Variants in TRIM62 observed in about 807,000 individuals in gnomAD.
TRIM62 encodes the protein E3 ubiquitin-protein ligase TRIM62.
Under a neutral mutation model 44.2 loss-of-function variants are expected in TRIM62, and 39 were observed. The observed-to-expected ratio is 0.88, with a 90% confidence interval of 0.68 to 1.15. TRIM62 has a LOEUF of 1.15. Ranked by LOEUF, TRIM62 falls within the 50% of genes most tolerant of loss-of-function variation. The pLI is 0.00. For synonymous variants in TRIM62, 278 were observed against 292.3 expected (o/e 0.95, Z 0.50); for missense variants, 544 against 665.5 (o/e 0.82, Z 2.01).
rs376577189 is a variant in TRIM62, at chr1:33,147,688, T to C, written c.917A>G (p.Gln306Arg). The change falls in exon 5 of 5, where the codon CAG becomes CGG. Residue 306 changes from glutamine to arginine, a missense_variant. Coordinates refer to ENST00000291416, the MANE Select transcript of TRIM62 (RefSeq NM_018207.3). This position sits in a 1 kb window ranked among gnomAD's most constrained non-coding sequence, Gnocchi z 8.1. ...GCAGTCGTCCGACAGGATCAGGCGC[T>C]GGTGGGCTGTGCCCGGGTCCAGGGT... ...ALTLDPGTAH[Q>R]RLILSDDCTI... 18 of 1,613,302 alleles carry C rather than the reference T, an allele frequency of 1.1e-5. No individual in the cohort carries two copies. Among genetic ancestry groups the C allele is most frequent in the Non-Finnish European group, 1.4e-5 (17 of 1,179,828 alleles).
chr1:33,162,136 A>G (rs117036649), intron 2 of TRIM62, among the ~76,000 whole-genome samples: 2 of 152,308 alleles, frequency 1.3e-5, no homozygotes, highest in East Asian at 3.9e-4. Flanking sequence ...TGATCCTTCT[A>G]AAGTGCCAAC....
At chr1:33,152,274 A>G (rs1012096525) in intron 4 of TRIM62, among the ~76,000 whole-genome samples, 1 of 152,204 alleles carries the variant, frequency 6.6e-6, no homozygotes, top group African/African-American at 2.4e-5. Context: ...CTGTTCAGCA[A>G]GACTGGGGAG....
In TRIM62 at chr1:33,145,471, A is replaced by G. The variant is rs1006397756; in HGVS notation, c.*1706T>C. The G allele has an allele frequency of 6.1e-6, 1 of 165,146 alleles. No individual in the cohort carries two copies. The highest frequency in any genetic ancestry group is 5.8e-5 in the Admixed American group (1 of 17,156). The allele number at this position is 165,146 out of a possible 1,614,324, so 10.2% of individuals were successfully genotyped here. A position where few individuals can be genotyped will look rare whatever the true frequency, so the allele number is the denominator to read the frequency against. On this transcript the variant is annotated 3_prime_UTR_variant, in exon 5 of 5. Transcript: ENST00000291416. ...AAAATGGGCAACATTTTAAATAAAA[A>G]TACTGCTGGGGTGGCCCAGATTCTG...
intron 4 of TRIM62, among the ~76,000 whole-genome samples, chr1:33,153,181 C>T (rs1645126937): frequency 6.6e-6 from 1 of 152,164 alleles, no homozygotes; most frequent in African/African-American, 2.4e-5. Context: ...GGCTAGGTCC[C>T]TGGGGGCACC....
intron 1 of TRIM62, among the ~76,000 whole-genome samples, chr1:33,168,166 A>C (rs991312098): frequency 3.3e-5 from 5 of 152,188 alleles, no homozygotes; most frequent in Admixed American, 1.3e-4. Context: ...AATGGGGGTA[A>C]GATAGAAAAA....
intron 1 of TRIM62, among the ~76,000 whole-genome samples, chr1:33,168,276 TG>T (rs1422511695): frequency 6.6e-6 from 1 of 152,112 alleles, no homozygotes; most frequent in Non-Finnish European, 1.5e-5. Flanking sequence ...AGTCACAAGC[TG>T]AAACCAGAAG....
In TRIM62 at chr1:33,167,820, G is replaced by C. The variant is rs1162389833; in HGVS notation, c.409-2254C>G. Reference sequence around the variant, plus strand: ...CATGGGAAAATATTCATGATGACATGCTGATGGAAGAATGCAGGAAACAAA... The same window carrying C: ...CATGGGAAAATATTCATGATGACATCCTGATGGAAGAATGCAGGAAACAAA... On this transcript the variant is annotated intron_variant, in intron 1 of 4. Transcript: ENST00000291416. The surrounding 1 kb of genome is among the most constrained non-coding windows in gnomAD (Gnocchi z 4.2). Among the ~76,000 whole-genome samples, 2 of 152,182 alleles carry C rather than the reference G, an allele frequency of 1.3e-5. No individual in the cohort carries two copies. Among genetic ancestry groups the C allele is most frequent in the East Asian group, 3.8e-4 (2 of 5,198 alleles).
chr1:33,169,206 G>A (rs763701938), intron 1 of TRIM62, among the ~76,000 whole-genome samples: 6 of 152,232 alleles, frequency 3.9e-5, no homozygotes, highest in East Asian at 1.9e-4. Context: ...TGCTGCGATC[G>A]TGTTAGGAGA....
At chr1:33,155,590 C>T (rs1012712205) in intron 4 of TRIM62, among the ~76,000 whole-genome samples, 1 of 152,138 alleles carries the variant, frequency 6.6e-6, no homozygotes, top group African/African-American at 2.4e-5. Context: ...TGGGGCCCGA[C>T]GTTGGGGTTT....
intron 1 of TRIM62, chr1:33,166,304 G>T (rs1348330614): frequency 1.3e-5 from 2 of 152,248 alleles, no homozygotes; most frequent in East Asian, 3.9e-4. Context: ...AATGTAATGT[G>T]CTTGAATCAT....
At chr1:33,164,955 ATT>A (rs5773394) in intron 2 of TRIM62, 151 of 124,804 alleles carry the variant, frequency 1.2e-3, no homozygotes, top group East Asian at 3.7e-3. Flanking sequence ...GCTATATTCA[ATT>A]TTTTTTTTTT....
Position 33,146,588 on chromosome 1 carries a change from T to G in TRIM62, c.*589A>C, listed in dbSNP as rs1390793454. 3 of 161,604 alleles carry G rather than the reference T, an allele frequency of 1.9e-5. No individual in the cohort carries two copies. Among genetic ancestry groups the G allele is most frequent in the Non-Finnish European group, 4.1e-5 (3 of 73,080 alleles). 10.0% of individuals were successfully genotyped at this position (161,604 alleles called of 1,614,324 possible). A position where few individuals can be genotyped will look rare whatever the true frequency, so the allele number is the denominator to read the frequency against. ...CAGGTGCCTTCCACAGGCCACAGCA[T>G]CATCACTGACCAGCAGATCAGTGGG... On this transcript the variant is annotated 3_prime_UTR_variant, in exon 5 of 5. Transcript: ENST00000291416.
intron 1 of TRIM62, among the ~76,000 whole-genome samples, chr1:33,180,754 C>T (rs947729918): frequency 1.3e-5 from 2 of 152,228 alleles, no homozygotes; most frequent in Non-Finnish European, 2.9e-5. Flanking sequence ...CCCGACTTCT[C>T]CCTAACCGCG....
At chr1:33,160,136 A>G (rs1570314215) in intron 2 of TRIM62, among the ~76,000 whole-genome samples, 192 bp from the exon 3 acceptor site, 1 of 152,192 alleles carries the variant, frequency 6.6e-6, no homozygotes, top group Non-Finnish European at 1.5e-5. Context: ...TCCATTAAAT[A>G]GCTAATGAAA....
rs1034951917 is a variant in TRIM62, at chr1:33,161,631, C to T, written c.505-1687G>A. Reference sequence around the variant, plus strand: ...GTCTGGGGATGCACGGCCAGGCTGCCGTGGCCTTCCTGAGCCCCCTCACCC... The same window carrying T: ...GTCTGGGGATGCACGGCCAGGCTGCTGTGGCCTTCCTGAGCCCCCTCACCC... On this transcript the variant is annotated intron_variant, in intron 2 of 4. Transcript: ENST00000291416. This position sits in a 1 kb window ranked among gnomAD's most constrained non-coding sequence, Gnocchi z 4.3. Among the ~76,000 whole-genome samples, 3 of 152,126 alleles carry T rather than the reference C, an allele frequency of 2.0e-5. No individual in the cohort carries two copies. The highest frequency in any genetic ancestry group is 4.8e-5 in the African/African-American group (2 of 41,420).
chr1:33,147,291 G>C lies in TRIM62; in HGVS notation c.1314C>G (p.Leu438=). The C allele has an allele frequency of 1.2e-6, 2 of 1,614,186 alleles. No homozygotes were observed. The highest frequency in any genetic ancestry group is 1.7e-6 in the Non-Finnish European group (2 of 1,180,032). The change falls in exon 5 of 5, where the codon CTC becomes CTG. Residue 438 remains leucine (L), a synonymous_variant. Coordinates refer to ENST00000291416, the MANE Select transcript of TRIM62 (RefSeq NM_018207.3). This position sits in a 1 kb window ranked among gnomAD's most constrained non-coding sequence, Gnocchi z 8.1. ...IFYNADDMSW[L]YTFREKFPGK... ...CAGGGAACTTCTCGCGGAAGGTGTA[G>C]AGCCAGGACATGTCATCAGCATTGT...
chr1:33,158,480 G>A, intron 3 of TRIM62, 112 bp from the exon 4 acceptor site: 2 of 772,790 alleles, frequency 2.6e-6, no homozygotes, highest in Non-Finnish European at 2.2e-6. Flanking sequence ...TCATGAGTGA[G>A]AAGTCTGTGG....
chr1:33,154,493 T>C (rs574247409), intron 4 of TRIM62, among the ~76,000 whole-genome samples: 2 of 151,806 alleles, frequency 1.3e-5, no homozygotes, highest in South Asian at 4.2e-4. Flanking sequence ...CTTTTTTTTT[T>C]CTTAATTAAA....
In TRIM62 at chr1:33,159,565, T is replaced by C. The variant is rs1645231867; in HGVS notation, c.761+123A>G. On this transcript the variant is annotated intron_variant, in intron 3 of 4. Coordinates refer to ENST00000291416, the MANE Select transcript of TRIM62 (RefSeq NM_018207.3). The surrounding 1 kb of genome is among the most constrained non-coding windows in gnomAD (Gnocchi z 4.2). ...ACCCATAGCAGATGTCCCGTAAATGTTTGATGAAGATTTGAATGAAAGAAT... is the reference window on the plus strand; with the variant it reads ...ACCCATAGCAGATGTCCCGTAAATGCTTGATGAAGATTTGAATGAAAGAAT... The C allele has an allele frequency of 7.3e-7, 1 of 1,365,242 alleles. No individual in the cohort carries two copies. Among genetic ancestry groups the C allele is most frequent in the Admixed American group, 2.7e-5 (1 of 37,372 alleles). The allele number at this position is 1,365,242 out of a possible 1,614,324, so 84.6% of individuals were successfully genotyped here.
Sources: allele counts gnomAD v4.1 joint callset (sites outside exome capture counted in the v4.1 genomes callset), GRCh38; gene constraint gnomAD v4.1.1; non-coding constraint Gnocchi (gnomAD v3.1); transcripts MANE v1.5; gene names NCBI Gene and HGNC (gene_info 2026-07-23, HGNC 2026-07-21).